The following PCSK5 variants were observed in gnomAD, a reference collection of about 807,000 sequenced individuals.
PCSK5 encodes proprotein convertase subtilisin/kexin type 5.
PCSK5 carries 129 observed loss-of-function variants against 233.2 expected under a neutral mutation model. The observed-to-expected ratio is 0.55, with a 90% CI of 0.48 to 0.64. The LOEUF (loss-of-function observed/expected upper bound fraction) is 0.64, where lower values mean the gene tolerates loss of function less well. PCSK5 is among the 30% of genes least tolerant of loss of function. PCSK5 has a pLI of 0.00. For synonymous variants in PCSK5, 825 were observed against 879.2 expected, an observed-to-expected ratio of 0.94 and a Z score of 1.09; for missense variants, 2,076 against 2,430.1, an observed-to-expected ratio of 0.85 and a Z score of 3.06.
intron 35 of PCSK5, among the ~76,000 whole-genome samples, chr9:76,350,048 C>T (rs1383268467): frequency 6.7e-6 from 1 of 149,258 alleles, no homozygotes; most frequent in Admixed American, 6.7e-5. Flanking sequence ...GAGGCTGAGA[C>T]AAGAGGATCC....
At chr9:76,321,330 T>G in intron 30 of PCSK5, 92 bp from the exon 31 acceptor site, 1 of 708,118 alleles carries the variant, frequency 1.4e-6, no homozygotes. Flanking sequence ...GCAGCAGCCC[T>G]TTTGTTTTTA....
chr9:76,046,304 A>G (rs1413751113), intron 5 of PCSK5, among the ~76,000 whole-genome samples: 1 of 148,154 alleles, frequency 6.7e-6, no homozygotes, highest in African/African-American at 2.5e-5. Flanking sequence ...CAGCCTCCCA[A>G]GTAGCTGGGA....
rs542908393 is a variant in PCSK5, at chr9:76,162,951, G to A, written c.1619+3780G>A. The stretch of plus-strand genomic sequence containing the variant: ...CCATGGCTTACTCACAGCAGGCTGC[G>A]TGTTGGCTCCTGGGAGAAGGAACCA... On this transcript the variant is annotated intron_variant, in intron 12 of 37. Transcript: ENST00000674117. Among the ~76,000 whole-genome samples the A allele has an allele frequency of 8.2e-4, 125 of 152,304 alleles. 1 individual carries two copies. Among genetic ancestry groups the A allele is most frequent in the Non-Finnish European group, 1.7e-3 (119 of 68,016 alleles).
At chr9:76,102,480 G>A (rs1169495824) in intron 8 of PCSK5, among the ~76,000 whole-genome samples, 1 of 152,134 alleles carries the variant, frequency 6.6e-6, no homozygotes, top group Non-Finnish European at 1.5e-5. Context: ...AAAATCTGTA[G>A]CATTCCAATG....
chr9:76,062,780 T>C (rs1335680889), intron 5 of PCSK5, among the ~76,000 whole-genome samples: 2 of 152,210 alleles, frequency 1.3e-5, no homozygotes, highest in Admixed American at 1.3e-4. Flanking sequence ...GCCTTAAATA[T>C]TTATCTTCTT....
intron 35 of PCSK5, among the ~76,000 whole-genome samples, chr9:76,340,727 A>G (rs867459527): frequency 7.3e-5 from 11 of 150,518 alleles, no homozygotes; most frequent in Middle Eastern, 3.2e-3. Context: ...AATGCAATTT[A>G]GAGTTTATTG....
At chr9:75,930,653 A>G (rs572108233) in intron 1 of PCSK5, among the ~76,000 whole-genome samples, 1 of 152,300 alleles carries the variant, frequency 6.6e-6, no homozygotes, top group South Asian at 2.1e-4. Context: ...CATTCCAGCT[A>G]CTGTGTAGAA....
chr9:76,203,699 A>T (rs896642636), intron 20 of PCSK5, among the ~76,000 whole-genome samples: 27 of 152,232 alleles, frequency 1.8e-4, no homozygotes, highest in African/African-American at 6.5e-4. Flanking sequence ...TGAGTTAGTG[A>T]AGGGGTGCTT....
intron 2 of PCSK5, among the ~76,000 whole-genome samples, chr9:75,980,760 T>C (rs111865836): frequency 2.7e-4 from 40 of 150,396 alleles, no homozygotes; most frequent in African/African-American, 4.4e-4. Flanking sequence ...TTTTTTTTTT[T>C]CTCACCAGTT....
At chr9:76,205,576 G>A (rs1825082762) in intron 20 of PCSK5, among the ~76,000 whole-genome samples, 1 of 152,134 alleles carries the variant, frequency 6.6e-6, no homozygotes, top group Non-Finnish European at 1.5e-5. Context: ...CCGTCTCCCT[G>A]TCTTATAAGC....
chr9:76,229,200 C>CTTTG (rs1825996427), intron 21 of PCSK5, among the ~76,000 whole-genome samples: 1 of 152,224 alleles, frequency 6.6e-6, no homozygotes, highest in South Asian at 2.1e-4. Context: ...CTCTAAGATA[C>CTTTG]AGATAGCATT....
chr9:76,071,912 G>T lies in PCSK5; in HGVS notation c.894+14G>T, dbSNP rs1183309236. 6.2e-7 allele frequency: 1 copy of T among 1,612,344 alleles called. No homozygotes were observed. The highest frequency in any genetic ancestry group is 1.1e-5 in the South Asian group (1 of 90,896). On this transcript the variant is annotated intron_variant, in intron 7 of 37. Transcript: ENST00000674117. ...GGCGTTAGAATGGTAGGTTTTAAAA[G>T]CATGGAGGCTTATACTGTGTGGATG...
At chr9:75,941,368 C>T (rs987861056) in intron 2 of PCSK5, among the ~76,000 whole-genome samples, 6 of 152,028 alleles carry the variant, frequency 3.9e-5, no homozygotes, top group African/African-American at 9.7e-5. Context: ...TCTTCGGGTA[C>T]GTACCTGAGG....
Position 76,238,966 on chromosome 9 carries a change from T to C in PCSK5, c.2874T>C (p.Tyr958=), listed in dbSNP as rs200852824. The C allele has an allele frequency of 1.4e-4, 229 of 1,611,872 alleles. No homozygotes were observed. The highest frequency in any genetic ancestry group is 1.4e-3 in the Admixed American group (82 of 59,926). The change falls in exon 23 of 38, where the codon TAT becomes TAC. Residue 958 remains tyrosine (Y), a synonymous_variant. Coordinates refer to ENST00000674117, the MANE Select transcript of PCSK5 (RefSeq NM_001372043.1). The part of the protein sequence containing the change: ...THCTSCGADN[Y]GREHFLYQGE... Reference sequence around the variant, plus strand: ...GCCCCTGTAACTGATCAGACAACTATGGCCGAGAGCACTTCCTGTACCAGG... The same window carrying C: ...GCCCCTGTAACTGATCAGACAACTACGGCCGAGAGCACTTCCTGTACCAGG...
At position 76,338,301 on chromosome 9, in the gene PCSK5, G is replaced by A. The variant is rs145485084; in HGVS notation, c.4820G>A (p.Arg1607Gln). ...NRSCKGCQGP[R>Q]PTDCLSCDRF... Reference sequence around the variant, plus strand: ...AGCTGCAAGGGGTGCCAGGGCCCACGGCCCACAGACTGCCTGTCTTGCGAT... The same window carrying A: ...AGCTGCAAGGGGTGCCAGGGCCCACAGCCCACAGACTGCCTGTCTTGCGAT... The change falls in exon 35 of 38, where the codon CGG becomes CAG. Residue 1607 changes from arginine to glutamine, a missense_variant. This residue lies in a region of PCSK5 where 1,510 missense variants were observed against 1,538.1 expected (regional missense o/e 0.98). Transcript: ENST00000674117. 2.4e-4 allele frequency: 392 copies of A among 1,612,550 alleles called. 4 individuals are homozygous for A. The East Asian group carries it at 7.7e-3, about 32-fold the overall frequency.
intron 35 of PCSK5, among the ~76,000 whole-genome samples, chr9:76,345,864 C>A (rs866152925): frequency 6.6e-6 from 1 of 152,092 alleles, no homozygotes; most frequent in Non-Finnish European, 1.5e-5. Context: ...GGACTACAGG[C>A]GTGTGCCACC....
Position 76,163,253 on chromosome 9 carries a change from G to T in PCSK5, c.1619+4082G>T, listed in dbSNP as rs532917125. On this transcript the variant is annotated intron_variant, in intron 12 of 37. Coordinates refer to ENST00000674117, the MANE Select transcript of PCSK5 (RefSeq NM_001372043.1). ...TCCTTGAAAGTCTGTTTTCTGAGAA[G>T]TGCTGAACACGTTGATGTAGTCTGT... 9.8e-5 allele frequency among the ~76,000 whole-genome samples: 15 copies of T among 152,348 alleles called. No homozygotes were observed. The South Asian group carries it at 2.9e-3, about 29-fold the overall frequency.
chr9:76,221,758 T>TTG (rs1220433341), intron 20 of PCSK5, among the ~76,000 whole-genome samples: 1 of 152,028 alleles, frequency 6.6e-6, no homozygotes, highest in Admixed American at 6.6e-5. Flanking sequence ...AACTAAATAT[T>TTG]TGTGTGTGTG....
chr9:76,114,194 G>A (rs1832334833), intron 9 of PCSK5, among the ~76,000 whole-genome samples: 1 of 152,056 alleles, frequency 6.6e-6, no homozygotes, highest in African/African-American at 2.4e-5. Flanking sequence ...AGGGAGGAGA[G>A]CTGAAAAGGT....
Sources: allele counts gnomAD v4.1 joint callset (sites outside exome capture counted in the v4.1 genomes callset), GRCh38; gene constraint gnomAD v4.1.1; regional missense constraint gnomAD v4.1.1; transcripts MANE v1.5; gene names NCBI Gene and HGNC (gene_info 2026-07-23, HGNC 2026-07-21).